Variants in MAP2K5 observed in about 807,000 individuals in gnomAD.
MAP2K5 encodes dual specificity mitogen-activated protein kinase kinase 5.
MAP2K5 carries 49 observed loss-of-function variants against 83.1 expected under a neutral mutation model. The observed-to-expected ratio is 0.59, with a 90% CI of 0.47 to 0.75. The LOEUF (loss-of-function observed/expected upper bound fraction) is 0.75. MAP2K5 is among the 30% of genes least tolerant of loss of function. The probability of loss-of-function intolerance (pLI) is 0.00; values close to 1 mark genes in which losing one functional copy is unlikely to be tolerated. For missense variants in MAP2K5, 457 were observed against 557.5 expected, an observed-to-expected ratio of 0.82 and a Z score of 1.82; for synonymous variants, 202 against 191.8, an observed-to-expected ratio of 1.05 and a Z score of -0.44.
rs148778263 is a variant in MAP2K5, at chr15:67,551,013, C to T, written c.184+931C>T. Among the ~76,000 whole-genome samples the T allele has an allele frequency of 7.5e-3, 1,136 of 152,252 alleles. 11 individuals are homozygous for T. Among genetic ancestry groups the T allele is most frequent in the African/African-American group, 0.024 (1,004 of 41,546 alleles). ...TCTTGAACTCCTGACCTCAAGTGAT[C>T]CACCCACCTCAGCCTCCCAAAGTGC... On this transcript the variant is annotated intron_variant, in intron 2 of 21. Coordinates refer to ENST00000178640, the MANE Select transcript of MAP2K5 (RefSeq NM_145160.3).
intron 16 of MAP2K5, among the ~76,000 whole-genome samples, chr15:67,716,610 A>G (rs966476764): frequency 1.3e-5 from 2 of 152,106 alleles, no homozygotes; most frequent in Non-Finnish European, 2.9e-5. Flanking sequence ...CTAAAGGGAG[A>G]CTTTAACTTA....
intron 8 of MAP2K5, among the ~76,000 whole-genome samples, chr15:67,617,073 G>A (rs1014688979): frequency 1.3e-5 from 2 of 152,150 alleles, no homozygotes; most frequent in South Asian, 2.1e-4. Context: ...ATGAATAAAA[G>A]TCATTATACA....
intron 6 of MAP2K5, among the ~76,000 whole-genome samples, chr15:67,589,937 A>G (rs1428735934): frequency 1.3e-5 from 2 of 152,170 alleles, no homozygotes; most frequent in African/African-American, 2.4e-5. Context: ...TTAAATTAGG[A>G]TAATAAGCAT....
At chr15:67,639,548 C>T (rs1355733003) in intron 9 of MAP2K5, among the ~76,000 whole-genome samples, 1 of 152,268 alleles carries the variant, frequency 6.6e-6, no homozygotes, top group Admixed American at 6.5e-5. Flanking sequence ...TGCCGGTGAC[C>T]CCCCTGCCGG....
chr15:67,734,951 A>G (rs1036333026), intron 17 of MAP2K5, among the ~76,000 whole-genome samples: 13 of 152,192 alleles, frequency 8.5e-5, no homozygotes, highest in African/African-American at 2.4e-4. Context: ...TCTAGCCTAT[A>G]TGTTTTAATT....
At chr15:67,627,763 A>G (rs1018196522) in intron 8 of MAP2K5, 1 of 329,776 alleles carries the variant, frequency 3.0e-6, no homozygotes, top group Non-Finnish European at 5.6e-6. Flanking sequence ...TTATATCTCA[A>G]TAAAGCTGTT....
At chr15:67,628,397 T>C (rs1263493265) in intron 8 of MAP2K5, 1 of 540,800 alleles carries the variant, frequency 1.8e-6, no homozygotes, top group Non-Finnish European at 3.2e-6. Context: ...GGAGCATTGC[T>C]TGAACCCAGG....
At chr15:67,629,238 G>T in intron 8 of MAP2K5, 1 of 617,310 alleles carries the variant, frequency 1.6e-6, no homozygotes. Context: ...CACGGTGGTG[G>T]CAGGGCCTAG....
chr15:67,635,109 TTTA>T (rs748827776), intron 9 of MAP2K5, among the ~76,000 whole-genome samples: 4 of 152,212 alleles, frequency 2.6e-5, no homozygotes, highest in Non-Finnish European at 5.9e-5. Flanking sequence ...CAGCCTTTGT[TTTA>T]TTATCATCCA....
chr15:67,555,008 G>C lies in MAP2K5; in HGVS notation c.184+4926G>C, dbSNP rs78914776. ...AAACCTGAGGAGCTGTATTCTTTCT[G>C]ATTTCTTTTTCTGGGTGTGGTGTTT... On this transcript the variant is annotated intron_variant, in intron 2 of 21. Coordinates refer to ENST00000178640, the MANE Select transcript of MAP2K5 (RefSeq NM_145160.3). This position sits in a 1 kb window ranked among gnomAD's most constrained non-coding sequence, Gnocchi z 5.2. 9.8e-3 allele frequency among the ~76,000 whole-genome samples: 1,486 copies of C among 152,282 alleles called. 30 individuals are homozygous for C. The highest frequency in any genetic ancestry group is 0.034 in the African/African-American group (1,423 of 41,546).
Position 67,640,995 on chromosome 15 carries a change from T to G in MAP2K5, c.586-5236T>G, listed in dbSNP as rs563298958. On this transcript the variant is annotated intron_variant, in intron 9 of 21. Coordinates refer to ENST00000178640, the MANE Select transcript of MAP2K5 (RefSeq NM_145160.3). This position sits in a 1 kb window ranked among gnomAD's most constrained non-coding sequence, Gnocchi z 4.6. ...AACGTGTTTCTACCTTTTTGTCTGT[T>G]TGTTTGGTGCAGGTAGTCAAGACAA... Among the ~76,000 whole-genome samples the G allele has an allele frequency of 1.3e-5, 2 of 152,270 alleles. No homozygotes were observed. Among genetic ancestry groups the G allele is most frequent in the South Asian group, 2.1e-4 (1 of 4,790 alleles).
At chr15:67,630,076 A>G (rs1261031656) in intron 8 of MAP2K5, among the ~76,000 whole-genome samples, 1 of 152,116 alleles carries the variant, frequency 6.6e-6, no homozygotes, top group Non-Finnish European at 1.5e-5. Flanking sequence ...TGTCTCTACA[A>G]AAAAAAGTAA....
At position 67,760,476 on chromosome 15, in the gene MAP2K5, C is replaced by G. The variant is rs894103815; in HGVS notation, c.1135-9126C>G. ...CTATATTTTTATTATTTCCAAGTGGCACTGAGTGAATTCAGCCAATAGACC... is the reference window on the plus strand; with the variant it reads ...CTATATTTTTATTATTTCCAAGTGGGACTGAGTGAATTCAGCCAATAGACC... On this transcript the variant is annotated intron_variant, in intron 19 of 21. Coordinates refer to ENST00000178640, the MANE Select transcript of MAP2K5 (RefSeq NM_145160.3). This position sits in a 1 kb window ranked among gnomAD's most constrained non-coding sequence, Gnocchi z 4.1. Among the ~76,000 whole-genome samples, 14 of 152,128 alleles carry G rather than the reference C, an allele frequency of 9.2e-5. No individual in the cohort carries two copies. Among genetic ancestry groups the G allele is most frequent in the Non-Finnish European group, 1.5e-4 (10 of 68,028 alleles).
At chr15:67,585,716 C>T in intron 4 of MAP2K5, 174 bp from the exon 5 acceptor site, 1 of 583,152 alleles carries the variant, frequency 1.7e-6, no homozygotes, top group Non-Finnish European at 3.1e-6. Flanking sequence ...AATGCTCACT[C>T]CTGCAAGTTA....
intron 8 of MAP2K5, among the ~76,000 whole-genome samples, chr15:67,607,814 A>G (rs2085814118): frequency 6.6e-6 from 1 of 152,096 alleles, no homozygotes; most frequent in South Asian, 2.1e-4. Flanking sequence ...TTATGATAGT[A>G]TAATTATACT....
chr15:67,679,558 T>G (rs1476389020), intron 13 of MAP2K5: 4 of 152,224 alleles, frequency 2.6e-5, no homozygotes, highest in Non-Finnish European at 4.4e-5. Flanking sequence ...AAGTAACATT[T>G]TAAAATTAAT....
chr15:67,580,896 G>A (rs1304229786), intron 4 of MAP2K5, 73 bp downstream of exon 4: 2 of 986,206 alleles, frequency 2.0e-6, no homozygotes, highest in East Asian at 4.8e-5. Context: ...TGTTTCCAAA[G>A]GTTTAAATGC....
intron 11 of MAP2K5, among the ~76,000 whole-genome samples, chr15:67,651,928 A>T (rs1243939945): frequency 6.6e-6 from 1 of 152,174 alleles, no homozygotes. Flanking sequence ...AGTTTTTTTG[A>T]GGAATTTCCA....
Position 67,782,346 on chromosome 15 carries a change from G to A in MAP2K5, c.1242+9594G>A, listed in dbSNP as rs537452429. On this transcript the variant is annotated intron_variant, in intron 21 of 21. Transcript: ENST00000178640. This position sits in a 1 kb window ranked among gnomAD's most constrained non-coding sequence, Gnocchi z 4.9. ...CAACTGCAATTAAGGCAAATCTGCC[G>A]ATGTAAACAAAATTTAGCAGAAACA... Among the ~76,000 whole-genome samples, 1 of 152,298 alleles carries A rather than the reference G, an allele frequency of 6.6e-6. No homozygotes were observed. The highest frequency in any genetic ancestry group is 2.4e-5 in the African/African-American group (1 of 41,566).
Sources: allele counts gnomAD v4.1 joint callset (sites outside exome capture counted in the v4.1 genomes callset), GRCh38; gene constraint gnomAD v4.1.1; non-coding constraint Gnocchi (gnomAD v3.1); transcripts MANE v1.5; gene names NCBI Gene and HGNC (gene_info 2026-07-23, HGNC 2026-07-21).